Variants in MCM10 observed in about 807,000 individuals in gnomAD.
The protein encoded by MCM10 is protein MCM10 homolog.
In MCM10, 91 loss-of-function variants were observed where a neutral mutation model predicts 109.9. The ratio of observed to expected loss-of-function variants is 0.83; its 90% CI spans 0.70 to 0.99. The LOEUF is 0.99. MCM10 is among the 50% of genes least tolerant of loss of function. The pLI, the probability that MCM10 is intolerant of heterozygous loss-of-function variation, is 0.00. For synonymous variants in MCM10, 380 were observed against 387.2 expected (o/e 0.98, Z 0.22); for missense variants, 1,077 against 1,061.2 (o/e 1.01, Z -0.21).
chr10:13,200,509 A>G (rs974558921), intron 16 of MCM10, among the ~76,000 whole-genome samples: 1 of 152,246 alleles, frequency 6.6e-6, no homozygotes, highest in African/African-American at 2.4e-5. Context: ...ACAGTTCTGC[A>G]TCATATCTTT....
chr10:13,205,742 T>C (rs12257536), intron 18 of MCM10, among the ~76,000 whole-genome samples: 6,785 of 152,300 alleles, frequency 0.045, 196 homozygotes, highest in African/African-American at 0.089. Context: ...ATAACTCTGA[T>C]GATGAGTGTT....
intron 9 of MCM10, 74 bp from the exon 10 acceptor site, chr10:13,188,807 A>C (rs1834307609): frequency 7.8e-7 from 1 of 1,287,420 alleles, no homozygotes; most frequent in Admixed American, 1.7e-5. Flanking sequence ...AGTGGGGAGA[A>C]GGAACTGTGT....
Position 13,209,336 on chromosome 10 carries a change from G to C in MCM10, c.*26G>C. 6.3e-7 allele frequency: 1 copy of C among 1,575,552 alleles called. No individual in the cohort carries two copies. Among genetic ancestry groups the C allele is most frequent in the Non-Finnish European group, 8.7e-7 (1 of 1,146,608 alleles). ...CCCGAACTTCAGACATTTTCCCACA[G>C]ACTTCCTGGCCTCCTGTGACTCTGG... On this transcript the variant is annotated 3_prime_UTR_variant, in exon 20 of 20. Transcript: ENST00000378714.
chr10:13,171,386 G>A (rs1233050702), intron 3 of MCM10, 123 bp downstream of exon 3: 6 of 939,472 alleles, frequency 6.4e-6, no homozygotes, highest in Non-Finnish European at 7.7e-6. Flanking sequence ...TGTAAAAAAA[G>A]AAAAAAAGAA....
In MCM10 at chr10:13,209,476, G is replaced by A; in HGVS notation, c.*166G>A. 1.6e-6 allele frequency: 1 copy of A among 618,456 alleles called. No homozygotes were observed. The highest frequency in any genetic ancestry group is 2.9e-6 in the Non-Finnish European group (1 of 347,838). The allele number at this position is 618,456 out of a possible 1,614,324, so 38.3% of individuals were successfully genotyped here. ...TTACTTTCTGCCATTGGGTTGGTTT[G>A]ATACCACATTTAACATTGACATTTA... On this transcript the variant is annotated 3_prime_UTR_variant, in exon 20 of 20. Transcript: ENST00000378714.
chr10:13,198,940 G>T, intron 16 of MCM10, 133 bp downstream of exon 16: 1 of 630,902 alleles, frequency 1.6e-6, no homozygotes, highest in Non-Finnish European at 2.7e-6. Context: ...CTGTGGCCCA[G>T]GCTGAAGTGC....
chr10:13,206,429 A>G (rs1415302396), intron 18 of MCM10, among the ~76,000 whole-genome samples: 3 of 151,868 alleles, frequency 2.0e-5, no homozygotes, highest in Non-Finnish European at 2.9e-5. Context: ...GCTTATTTTC[A>G]TTTGTTGTTC....
intron 18 of MCM10, among the ~76,000 whole-genome samples, chr10:13,208,880 G>A (rs192880649): frequency 6.6e-6 from 1 of 152,214 alleles, no homozygotes; most frequent in East Asian, 1.9e-4. Flanking sequence ...CTCTAGCTTT[G>A]TAAGGACCTA....
Position 13,195,167 on chromosome 10 carries a change from G to A in MCM10, c.1872G>A (p.Thr624=), listed in dbSNP as rs144824319. 5.4e-4 allele frequency: 867 copies of A among 1,614,042 alleles called. 4 individuals are homozygous for A. The highest frequency in any genetic ancestry group is 1.9e-3 in the South Asian group (176 of 91,052). The stretch of plus-strand genomic sequence containing the variant: ...TGGAGGGAGCCCCGGCCACAATGAC[G>A]CCCAAGCTGGGGCGAGGTGTCTTGG... ...PRLEGAPATM[T]PKLGRGVLEG... The change falls in exon 14 of 20, where the codon ACG becomes ACA. Residue 624 remains threonine, a synonymous_variant. Coordinates refer to ENST00000378714, the MANE Select transcript of MCM10 (RefSeq NM_018518.5).
chr10:13,171,923 C>G (rs957013739), intron 3 of MCM10, among the ~76,000 whole-genome samples: 18 of 151,904 alleles, frequency 1.2e-4, no homozygotes, highest in African/African-American at 4.4e-4. Flanking sequence ...CACCACCATG[C>G]CCAGCTAATT....
rs1410395363 is a variant in MCM10, at chr10:13,209,964, T to TTA, written c.*663_*664dup. On this transcript the variant is annotated 3_prime_UTR_variant, in exon 20 of 20. Coordinates refer to ENST00000378714, the MANE Select transcript of MCM10 (RefSeq NM_018518.5). The stretch of plus-strand genomic sequence containing the variant: ...CCACTGAATCACTTTGCATTTCAGT[T>TTA]TATATATATAGAGAGAAAGAAGGTG... The TTA allele has an allele frequency of 1.4e-5, 2 of 142,896 alleles. No individual in the cohort carries two copies. The highest frequency in any genetic ancestry group is 3.2e-5 in the Non-Finnish European group (2 of 63,296). 8.9% of individuals were successfully genotyped at this position (142,896 alleles called of 1,614,324 possible).
intron 2 of MCM10, among the ~76,000 whole-genome samples, chr10:13,166,661 CATATATATATATATAT>C (rs60500036): frequency 9.6e-4 from 86 of 89,672 alleles, no homozygotes; most frequent in African/African-American, 4.5e-3. Flanking sequence ...TACATACATA[CATATATATATATATAT>C]ATATATATAT....
intron 10 of MCM10, 79 bp downstream of exon 10, chr10:13,189,159 A>G (rs1834315340): frequency 1.4e-6 from 2 of 1,432,338 alleles, no homozygotes; most frequent in African/African-American, 1.4e-5. Flanking sequence ...CCTTCCTGTA[A>G]CCGTCATAGG....
chr10:13,177,508 C>CTTTTTTTTT (rs60316855), intron 6 of MCM10, among the ~76,000 whole-genome samples: 102 of 105,146 alleles, frequency 9.7e-4, no homozygotes, highest in African/African-American at 1.1e-3. Flanking sequence ...GATTTTGGAG[C>CTTTTTTTTT]TTTTTTTTTT....
At chr10:13,165,057 C>T (rs1018156285) in intron 2 of MCM10, among the ~76,000 whole-genome samples, 3 of 152,160 alleles carry the variant, frequency 2.0e-5, no homozygotes, top group African/African-American at 7.2e-5. Context: ...AGTGGACCCC[C>T]GTTGTCCCTG....
chr10:13,183,852 T>G (rs1478809526), intron 8 of MCM10, among the ~76,000 whole-genome samples: 3 of 152,032 alleles, frequency 2.0e-5, no homozygotes, highest in Non-Finnish European at 4.4e-5. Context: ...GCTCTGCTAA[T>G]TTTTGTGGTT....
intron 5 of MCM10, among the ~76,000 whole-genome samples, chr10:13,173,244 C>A (rs1372262212): frequency 6.6e-6 from 1 of 152,074 alleles, no homozygotes; most frequent in Non-Finnish European, 1.5e-5. Flanking sequence ...TTACTAAGTA[C>A]TTAACAGGTT....
intron 9 of MCM10, among the ~76,000 whole-genome samples, chr10:13,187,147 C>T (rs1834285770): frequency 6.6e-6 from 1 of 152,222 alleles, no homozygotes; most frequent in African/African-American, 2.4e-5. Flanking sequence ...GTCTCCTCTC[C>T]CCCAGCCCCT....
At chr10:13,207,122 A>G (rs1438113754) in intron 18 of MCM10, among the ~76,000 whole-genome samples, 1 of 152,176 alleles carries the variant, frequency 6.6e-6, no homozygotes, top group African/African-American at 2.4e-5. Flanking sequence ...GATCTAGAAC[A>G]GAAGGCAGCA....
Sources: gnomAD v4.1 joint callset for allele counts (sites outside exome capture counted in the v4.1 genomes callset) on GRCh38, gnomAD v4.1.1 for gene constraint, MANE v1.5 for transcripts, NCBI Gene and HGNC (gene_info 2026-07-23, HGNC 2026-07-21) for gene names.